The following TPCN1 variants were observed in gnomAD, a reference collection of about 807,000 sequenced individuals.
TPCN1 encodes two pore segment channel 1.
Under a neutral mutation model 108.8 loss-of-function variants are expected in TPCN1, and 52 were observed. That is an observed-to-expected ratio of 0.48 (90% CI 0.38 to 0.60). The LOEUF is 0.60. TPCN1 is among the 20% of genes least tolerant of loss of function. The probability of loss-of-function intolerance (pLI) is 0.00; values close to 1 mark genes in which losing one functional copy is unlikely to be tolerated. For synonymous variants in TPCN1, 446 were observed against 433.7 expected (o/e 1.03, Z -0.35); for missense variants, 806 against 1,072.8 (o/e 0.75, Z 3.47).
At position 113,273,716 on chromosome 12, in the gene TPCN1, A is replaced by G. The variant is rs771831854; in HGVS notation, c.942+48A>G. 7.1e-7 allele frequency: 1 copy of G among 1,399,752 alleles called. No homozygotes were observed. The highest frequency in any genetic ancestry group is 1.7e-5 in the Admixed American group (1 of 59,740). 86.7% of individuals were successfully genotyped at this position (1,399,752 alleles called of 1,614,324 possible). ...ACGCTGAAGCAGCCTGCCCCTACCC[A>G]TGCAGCACTAGGCACTGTGGGAGTG... is the stretch of plus-strand genomic sequence containing the variant. On this transcript the variant is annotated intron_variant, in intron 10 of 27. Coordinates refer to ENST00000335509, the MANE Select transcript of TPCN1 (RefSeq NM_017901.6). The surrounding 1 kb of genome is among the most constrained non-coding windows in gnomAD (Gnocchi z 4.0).
rs1441126162 is a variant in TPCN1, at chr12:113,288,635, AGTTG to A, written c.1707-120_1707-117del. On this transcript the variant is annotated intron_variant, in intron 20 of 27. Transcript: ENST00000335509. This position sits in a 1 kb window ranked among gnomAD's most constrained non-coding sequence, Gnocchi z 4.8. ...GGCCCCTTCCCCGCAGGCACTTTCC[AGTTG>A]GTGAACCGACCAGGGGCATGGCCCT... is the stretch of plus-strand genomic sequence containing the variant. The A allele has an allele frequency of 6.5e-6, 10 of 1,533,952 alleles. No homozygotes were observed. In the African/African-American group the frequency reaches 1.4e-4, roughly 21 times the overall value.
At chr12:113,227,249 G>A (rs1313636596) in intron 2 of TPCN1, among the ~76,000 whole-genome samples, 1 of 152,182 alleles carries the variant, frequency 6.6e-6, no homozygotes, top group Non-Finnish European at 1.5e-5. Flanking sequence ...GCCTGTGGAT[G>A]CTTGGTGGGG....
intron 2 of TPCN1, among the ~76,000 whole-genome samples, chr12:113,229,750 C>T (rs1411995701): frequency 6.6e-6 from 1 of 152,186 alleles, no homozygotes; most frequent in African/African-American, 2.4e-5. Flanking sequence ...CCTCGGCCTC[C>T]CAAAGTGCTA....
chr12:113,244,697 G>T (rs548432547), intron 2 of TPCN1: 2 of 985,360 alleles, frequency 2.0e-6, no homozygotes, highest in Middle Eastern at 5.2e-4. Context: ...GCGGTTGCTC[G>T]TTGTCATTCT....
At position 113,263,833 on chromosome 12, in the gene TPCN1, CTTATTTTTCCAAATCTAGT is replaced by C. The variant is rs559823205; in HGVS notation, c.238-2342_238-2324del. ...CTAGAAATCGCTACAACTGGCCTTC[CTTATTTTTCCAAATCTAGT>C]TTATGATCAGCCAGGAAACAGGGCC... On this transcript the variant is annotated intron_variant, in intron 3 of 27. Coordinates refer to ENST00000335509, the MANE Select transcript of TPCN1 (RefSeq NM_017901.6). 2.0e-5 allele frequency among the ~76,000 whole-genome samples: 3 copies of C among 152,300 alleles called. No homozygotes were observed. The South Asian group carries it at 6.2e-4, about 32-fold the overall frequency.
At position 113,288,976 on chromosome 12, in the gene TPCN1, T is replaced by G; in HGVS notation, c.1796+129T>G. The G allele has an allele frequency of 1.1e-6, 1 of 899,276 alleles. No homozygotes were observed. Among genetic ancestry groups the G allele is most frequent in the Non-Finnish European group, 1.8e-6 (1 of 563,786 alleles). The allele number at this position is 899,276 out of a possible 1,614,324, so 55.7% of individuals were successfully genotyped here. ...TCCTGTCTAAGCAACCACCTTGCTT[T>G]GCTTTCAGGGCTTAGTTGAGTGCAG... is the stretch of plus-strand genomic sequence containing the variant. On this transcript the variant is annotated intron_variant, in intron 21 of 27. Coordinates refer to ENST00000335509, the MANE Select transcript of TPCN1 (RefSeq NM_017901.6). This position sits in a 1 kb window ranked among gnomAD's most constrained non-coding sequence, Gnocchi z 4.8.
intron 2 of TPCN1, among the ~76,000 whole-genome samples, chr12:113,253,567 C>T (rs911760404): frequency 3.9e-5 from 6 of 152,182 alleles, no homozygotes; most frequent in Non-Finnish European, 8.8e-5. Flanking sequence ...TGGCTGGGTG[C>T]TCAGCTGGGC....
In TPCN1 at chr12:113,266,134, G is replaced by T. The variant is rs758616037; in HGVS notation, c.238-46G>T. 11 of 1,602,554 alleles carry T rather than the reference G, an allele frequency of 6.9e-6. No homozygotes were observed. Among genetic ancestry groups the T allele is most frequent in the Non-Finnish European group, 9.4e-6 (11 of 1,172,454 alleles). On this transcript the variant is annotated intron_variant, in intron 3 of 27. Coordinates refer to ENST00000335509, the MANE Select transcript of TPCN1 (RefSeq NM_017901.6). The surrounding 1 kb of genome is among the most constrained non-coding windows in gnomAD (Gnocchi z 4.2). ...TGCCCGCGGCTCCTCTTTGGCGTTG[G>T]ATGGGTCTCCAGGCTTACATGCCCA...
At chr12:113,240,787 C>T (rs1415591876) in intron 2 of TPCN1, among the ~76,000 whole-genome samples, 4 of 150,096 alleles carry the variant, frequency 2.7e-5, no homozygotes, top group Non-Finnish European at 5.9e-5. Flanking sequence ...CTCACTCTTG[C>T]CCAGGCTGGA....
chr12:113,233,625 G>A (rs775756258), intron 2 of TPCN1, among the ~76,000 whole-genome samples: 37 of 152,348 alleles, frequency 2.4e-4, no homozygotes, highest in Non-Finnish European at 3.7e-4. Context: ...CCTTCTCCCC[G>A]CAGTCAGGTA....
intron 2 of TPCN1, among the ~76,000 whole-genome samples, chr12:113,253,602 T>C (rs1463002100): frequency 6.6e-6 from 1 of 152,216 alleles, no homozygotes; most frequent in Non-Finnish European, 1.5e-5. Context: ...TTGAGTCTTC[T>C]GTCTGCACCA....
Position 113,269,940 on chromosome 12 carries a change from T to G in TPCN1, c.748+95T>G, listed in dbSNP as rs1955425356. On this transcript the variant is annotated intron_variant, in intron 7 of 27. Transcript: ENST00000335509. The surrounding 1 kb of genome is among the most constrained non-coding windows in gnomAD (Gnocchi z 5.0). ...GGCCTGGCTCAGTGGCTCACGCCTGTAATCCTAGCATTTTGGGAGGCCAAG... is the reference window on the plus strand; with the variant it reads ...GGCCTGGCTCAGTGGCTCACGCCTGGAATCCTAGCATTTTGGGAGGCCAAG... The G allele has an allele frequency of 7.2e-7, 1 of 1,380,136 alleles. No individual in the cohort carries two copies. Among genetic ancestry groups the G allele is most frequent in the African/African-American group, 1.4e-5 (1 of 70,310 alleles). 85.5% of individuals were successfully genotyped at this position (1,380,136 alleles called of 1,614,324 possible).
At chr12:113,292,893 C>T (rs1170747746) in intron 25 of TPCN1, 41 bp from the exon 26 acceptor site, 2 of 1,589,376 alleles carry the variant, frequency 1.3e-6, no homozygotes, top group Admixed American at 3.5e-5. Flanking sequence ...TTGGCAGCTG[C>T]AGCCCCGGGC....
Position 113,268,028 on chromosome 12 carries a change from G to C in TPCN1, c.528+72G>C, listed in dbSNP as rs1212855254. 1 of 1,117,728 alleles carries C rather than the reference G, an allele frequency of 8.9e-7. No individual in the cohort carries two copies. Among genetic ancestry groups the C allele is most frequent in the African/African-American group, 1.5e-5 (1 of 64,798 alleles). 69.2% of individuals were successfully genotyped at this position (1,117,728 alleles called of 1,614,324 possible). A position where few individuals can be genotyped will look rare whatever the true frequency, so the allele number is the denominator to read the frequency against. On this transcript the variant is annotated intron_variant, in intron 5 of 27. Coordinates refer to ENST00000335509, the MANE Select transcript of TPCN1 (RefSeq NM_017901.6). This position sits in a 1 kb window ranked among gnomAD's most constrained non-coding sequence, Gnocchi z 7.3. ...ATGTCACCTTCAAACCTGTCTCTTTGGTACAATTCAGAATCCACCATGGGC... is the reference window on the plus strand; with the variant it reads ...ATGTCACCTTCAAACCTGTCTCTTTCGTACAATTCAGAATCCACCATGGGC...
At chr12:113,292,318 A>G (rs1349913629) in intron 25 of TPCN1, 2 of 294,420 alleles carry the variant, frequency 6.8e-6, no homozygotes, top group Non-Finnish European at 1.3e-5. Flanking sequence ...ACGTTTCTCA[A>G]TAATAGGTTC....
intron 2 of TPCN1, among the ~76,000 whole-genome samples, chr12:113,234,890 G>A (rs560244018): frequency 1.3e-5 from 2 of 152,310 alleles, no homozygotes; most frequent in South Asian, 4.1e-4. Context: ...TTTGTAAATA[G>A]TGGCAACCAA....
chr12:113,277,268 T>C lies in TPCN1; in HGVS notation c.1088T>C (p.Phe363Ser), dbSNP rs1024382383. 1 of 1,613,906 alleles carries C rather than the reference T, an allele frequency of 6.2e-7. No individual in the cohort carries two copies. Among genetic ancestry groups the C allele is most frequent in the East Asian group, 2.2e-5 (1 of 44,876 alleles). ...RRPAGISYRQFEGLMRFYKPR... is the reference protein window; with the variant it reads ...RRPAGISYRQSEGLMRFYKPR... ...CCTGCCGGCATCTCCTACAGGCAGTTTGAAGGCCTCATGCGCTTCTACAAG... is the reference window on the plus strand; with the variant it reads ...CCTGCCGGCATCTCCTACAGGCAGTCTGAAGGCCTCATGCGCTTCTACAAG... Residue 363 changes from phenylalanine to serine, a missense_variant, in exon 12 of 28, where the codon TTT becomes TCT. Transcript: ENST00000335509.
chr12:113,286,019 C>G, intron 18 of TPCN1, 58 bp downstream of exon 18: 1 of 1,451,574 alleles, frequency 6.9e-7, no homozygotes, highest in Non-Finnish European at 9.7e-7. Context: ...GGCCCCAGAC[C>G]CTTCTCTGCA....
chr12:113,291,928 A>G lies in TPCN1; in HGVS notation c.2083A>G (p.Asn695Asp). 2 of 1,613,178 alleles carry G rather than the reference A, an allele frequency of 1.2e-6. No individual in the cohort carries two copies. Among genetic ancestry groups the G allele is most frequent in the Non-Finnish European group, 1.7e-6 (2 of 1,179,580 alleles). ...CCTCGAGGCCTTCGTCTTCCGAATG[A>G]ACTACAGCCGCAAGAACCAGGACTC... ...FILEAFVFRM[N>D]YSRKNQDSEV... Residue 695 changes from asparagine to aspartate, a missense_variant, in exon 25 of 28, where the codon AAC (asparagine) becomes GAC (aspartate). Asn to Asp is a conservative substitution (Grantham distance 23). Coordinates refer to ENST00000335509, the MANE Select transcript of TPCN1 (RefSeq NM_017901.6).
Sources: allele counts gnomAD v4.1 joint callset (sites outside exome capture counted in the v4.1 genomes callset), GRCh38; gene constraint gnomAD v4.1.1; non-coding constraint Gnocchi (gnomAD v3.1); transcripts MANE v1.5; gene names NCBI Gene and HGNC (gene_info 2026-07-23, HGNC 2026-07-21).